NAP1L4: variants seen among roughly 807,000 people sequenced by gnomAD.
The protein encoded by NAP1L4 is nucleosome assembly protein 1 like 4, also known as nucleosome assembly protein 1-like 4.
NAP1L4 carries 15 observed loss-of-function variants against 58.2 expected under a neutral mutation model. The ratio of observed to expected loss-of-function variants is 0.26; its 90% CI spans 0.17 to 0.40. NAP1L4 has a LOEUF of 0.40. Among genes scored for constraint, NAP1L4 ranks in the 10% least tolerant of loss-of-function variants. NAP1L4 has a pLI of 1.00. For synonymous variants in NAP1L4, 171 were observed against 155.6 expected, an observed-to-expected ratio of 1.10 and a Z score of -0.74; for missense variants, 384 against 451.1, an observed-to-expected ratio of 0.85 and a Z score of 1.35.
At position 2,951,023 on chromosome 11, in the gene NAP1L4, AAATAAG is replaced by A; in HGVS notation, c.1122+230_1122+235del. 2.1e-6 allele frequency: 1 copy of A among 472,794 alleles called. No homozygotes were observed. The highest frequency in any genetic ancestry group is 3.7e-6 in the Non-Finnish European group (1 of 268,264). The allele number at this position is 472,794 out of a possible 1,614,324, so 29.3% of individuals were successfully genotyped here. On this transcript the variant is annotated intron_variant, in intron 14 of 15. Transcript: ENST00000380542. This position sits in a 1 kb window ranked among gnomAD's most constrained non-coding sequence, Gnocchi z 4.0. ...AGTTGCTCTACTGAGGAGTCTATGT[AAATAAG>A]ACACAGCTTGAGACAGCTGGAAAAG...
chr11:2,976,922 C>G (rs558139716), intron 3 of NAP1L4, among the ~76,000 whole-genome samples: 2 of 152,306 alleles, frequency 1.3e-5, no homozygotes, highest in African/African-American at 4.8e-5. Flanking sequence ...AAACCCAGCG[C>G]CCTTCCCTTG....
chr11:2,987,111 A>G (rs1383485576), intron 1 of NAP1L4, among the ~76,000 whole-genome samples: 1 of 152,068 alleles, frequency 6.6e-6, no homozygotes, highest in Non-Finnish European at 1.5e-5. Context: ...GAAGGAATCA[A>G]GATACCCCTG....
At position 2,971,752 on chromosome 11, in the gene NAP1L4, C is replaced by T. The variant is rs72850051; in HGVS notation, c.316-218G>A. ...AAAGATGTAAAATAAAGACAGTCCC[C>T]GATTTCCAATGGTTCAGCTAAAGAT... On this transcript the variant is annotated intron_variant, in intron 5 of 15. Coordinates refer to ENST00000380542, the MANE Select transcript of NAP1L4 (RefSeq NM_005969.4). This position sits in a 1 kb window ranked among gnomAD's most constrained non-coding sequence, Gnocchi z 4.2. 0.013 allele frequency among the ~76,000 whole-genome samples: 2,030 copies of T among 152,248 alleles called. 19 individuals carry two copies. The highest frequency in any genetic ancestry group is 0.024 in the Non-Finnish European group (1,622 of 68,020).
At chr11:2,977,178 T>C (rs551105569) in intron 3 of NAP1L4, among the ~76,000 whole-genome samples, 121 of 152,332 alleles carry the variant, frequency 7.9e-4, no homozygotes, top group African/African-American at 2.8e-3. Flanking sequence ...CAAACACATA[T>C]GAATGGGTGC....
At chr11:2,952,205 T>C (rs1280676159) in intron 12 of NAP1L4, 1 of 229,030 alleles carries the variant, frequency 4.4e-6, no homozygotes, top group Non-Finnish European at 8.6e-6. Context: ...CAGCATAATG[T>C]TATTGGATAC....
chr11:2,956,150 CAT>C (rs1239042509), intron 10 of NAP1L4, among the ~76,000 whole-genome samples: 1 of 152,218 alleles, frequency 6.6e-6, no homozygotes, highest in Non-Finnish European at 1.5e-5. Context: ...CAGAACTATA[CAT>C]GATGGTGCAG....
chr11:2,960,561 A>G (rs1846828198), intron 8 of NAP1L4, among the ~76,000 whole-genome samples: 2 of 152,202 alleles, frequency 1.3e-5, no homozygotes, highest in African/African-American at 2.4e-5. Context: ...ACGAGTAACA[A>G]AACACATGAA....
At chr11:2,953,485 C>T (rs1358157841) in intron 12 of NAP1L4, among the ~76,000 whole-genome samples, 2 of 152,264 alleles carry the variant, frequency 1.3e-5, no homozygotes, top group African/African-American at 4.8e-5. Context: ...AGGCAGAGGA[C>T]AGTTCCATCA....
rs1247270575 is a variant in NAP1L4, at chr11:2,966,677, T to C, written c.535-1926A>G. 2.0e-5 allele frequency among the ~76,000 whole-genome samples: 3 copies of C among 152,206 alleles called. No individual in the cohort carries two copies. The East Asian group carries it at 5.8e-4, about 29-fold the overall frequency. ...AGTTGTGAAATGGGCCACACCTGCA[T>C]GCGATGTTCAGTCTCCAATGCTGCG... On this transcript the variant is annotated intron_variant, in intron 7 of 15. Coordinates refer to ENST00000380542, the MANE Select transcript of NAP1L4 (RefSeq NM_005969.4).
intron 6 of NAP1L4, among the ~76,000 whole-genome samples, chr11:2,970,854 C>CA (rs1194972974): frequency 9.3e-6 from 1 of 107,882 alleles, no homozygotes; most frequent in Non-Finnish European, 2.0e-5. Context: ...TACCACCCCC[C>CA]CCCCAAAAAA....
chr11:2,976,058 T>A lies in NAP1L4; in HGVS notation c.139A>T (p.Asn47Tyr), dbSNP rs769904928. The A allele has an allele frequency of 3.5e-5, 57 of 1,613,970 alleles. No individual in the cohort carries two copies. The highest frequency in any genetic ancestry group is 4.3e-5 in the Non-Finnish European group (51 of 1,179,996). Residue 47 changes from asparagine (N) to tyrosine (Y), a missense_variant, in exon 4 of 16, where the codon AAT (asparagine) becomes TAT (tyrosine). Transcript: ENST00000380542. ...TAGCTGGAAGGGGTGTGAGGGACATTGTCAAGTCGCTCCTGTAAAGCTGCC... is the reference window on the plus strand; with the variant it reads ...TAGCTGGAAGGGGTGTGAGGGACATAGTCAAGTCGCTCCTGTAAAGCTGCC... Reference protein sequence around the residue: ...VLAALQERLDNVPHTPSSYIE... With the variant: ...VLAALQERLDYVPHTPSSYIE...
chr11:2,977,217 G>A (rs1302944384), intron 3 of NAP1L4, among the ~76,000 whole-genome samples: 1 of 152,242 alleles, frequency 6.6e-6, no homozygotes, highest in Non-Finnish European at 1.5e-5. Flanking sequence ...GTTTGCTGAA[G>A]AGGAAGAGGA....
intron 7 of NAP1L4, among the ~76,000 whole-genome samples, chr11:2,969,483 G>C (rs2071111): frequency 0.29 from 44,281 of 151,862 alleles, 7,424 homozygotes; most frequent in African/African-American, 0.46. Context: ...ATGGGCTCTG[G>C]AATCTATTCA....
intron 1 of NAP1L4, among the ~76,000 whole-genome samples, chr11:2,988,787 A>G (rs1848795811): frequency 6.6e-6 from 1 of 152,216 alleles, no homozygotes; most frequent in Non-Finnish European, 1.5e-5. Flanking sequence ...AAGAAACTTA[A>G]GGTTACACAG....
chr11:2,968,137 C>G (rs2133960426), intron 7 of NAP1L4, among the ~76,000 whole-genome samples: 1 of 152,298 alleles, frequency 6.6e-6, no homozygotes, highest in Admixed American at 6.5e-5. Context: ...GGCCACTCCC[C>G]ATGCCCCCCG....
At position 2,954,809 on chromosome 11, in the gene NAP1L4, A is replaced by G; in HGVS notation, c.916-163T>C. On this transcript the variant is annotated intron_variant, in intron 11 of 15. Transcript: ENST00000380542. This position sits in a 1 kb window ranked among gnomAD's most constrained non-coding sequence, Gnocchi z 4.8. The stretch of plus-strand genomic sequence containing the variant: ...GCCACTAGACACTCAAAGCCCCTTT[A>G]AAACAACTTTAAGTAGCTTTAAAGA... 1 of 874,126 alleles carries G rather than the reference A, an allele frequency of 1.1e-6. No individual in the cohort carries two copies. Among genetic ancestry groups the G allele is most frequent in the Non-Finnish European group, 1.8e-6 (1 of 561,906 alleles). 54.1% of individuals were successfully genotyped at this position (874,126 alleles called of 1,614,324 possible).
chr11:2,972,830 G>C (rs1847726745), intron 4 of NAP1L4, among the ~76,000 whole-genome samples: 1 of 152,134 alleles, frequency 6.6e-6, no homozygotes, highest in South Asian at 2.1e-4. Context: ...AATTAGCAAG[G>C]CATGATGGTG....
chr11:2,975,481 A>C (rs1847901039), intron 4 of NAP1L4, among the ~76,000 whole-genome samples: 1 of 152,146 alleles, frequency 6.6e-6, no homozygotes, highest in Non-Finnish European at 1.5e-5. Context: ...CCGTTATCCC[A>C]GCATTTTGAG....
intron 9 of NAP1L4, 22 bp from the exon 10 acceptor site, chr11:2,958,566 C>T: frequency 6.2e-7 from 1 of 1,607,662 alleles, no homozygotes; most frequent in Non-Finnish European, 8.5e-7. Flanking sequence ...AGACAGCTGT[C>T]AGGAACACAC....
Sources: allele counts gnomAD v4.1 joint callset (sites outside exome capture counted in the v4.1 genomes callset), GRCh38; gene constraint gnomAD v4.1.1; non-coding constraint Gnocchi (gnomAD v3.1); transcripts MANE v1.5; gene names NCBI Gene and HGNC (gene_info 2026-07-23, HGNC 2026-07-21).